Variants in TLE6 observed in about 807,000 individuals in gnomAD.
TLE6 encodes transducin-like enhancer protein 6.
TLE6 carries 72 observed loss-of-function variants against 77.1 expected under a neutral mutation model. That is an observed-to-expected ratio of 0.93 (90% CI 0.77 to 1.14). The LOEUF is 1.14. Among genes scored for constraint, TLE6 ranks in the 50% most tolerant of loss-of-function variants. The pLI is 0.00. For synonymous variants in TLE6, 366 were observed against 287.3 expected, an observed-to-expected ratio of 1.27 and a Z score of -2.77; for missense variants, 843 against 747.6, an observed-to-expected ratio of 1.13 and a Z score of -1.49.
chr19:2,978,197 G>C lies in TLE6; in HGVS notation c.-36-1G>C. On this transcript the variant is annotated splice_acceptor_variant, in intron 1 of 16. Transcript: ENST00000246112. LOFTEE classifies it low-confidence loss of function (5UTR_SPLICE). ...GACCTGCCGTCTCCTTGTTGTTTTAGACTCTGGCTAAAGTCTTGGAGGCTA... is the reference window on the plus strand; with the variant it reads ...GACCTGCCGTCTCCTTGTTGTTTTACACTCTGGCTAAAGTCTTGGAGGCTA... 2 of 1,550,134 alleles carry C rather than the reference G, an allele frequency of 1.3e-6. No individual in the cohort carries two copies. The highest frequency in any genetic ancestry group is 2.4e-5 in the East Asian group (1 of 40,904).
intron 13 of TLE6, among the ~76,000 whole-genome samples, chr19:2,991,146 C>A (rs1360743669): frequency 6.6e-6 from 1 of 151,216 alleles, no homozygotes; most frequent in Non-Finnish European, 1.5e-5. Flanking sequence ...GGCAGATCAC[C>A]TGAGGTCGGG....
chr19:2,994,020 C>T lies in TLE6; in HGVS notation c.1539C>T (p.Gly513=), dbSNP rs2089150199. The part of the protein sequence containing the change: ...VILSVKFSPF[G]QWWASVGMDD... ...TCGCTGATGCTCCATTTCTCCCAGG[C>T]CAGTGGTGGGCAAGCGTTGGAATGG... The change falls in exon 16 of 17, where the codon GGC becomes GGT. Residue 513 remains glycine, a splice_region_variant and synonymous_variant. Coordinates refer to ENST00000246112, the MANE Select transcript of TLE6 (RefSeq NM_001143986.2). The T allele has an allele frequency of 6.2e-7, 1 of 1,603,832 alleles. No homozygotes were observed. Among genetic ancestry groups the T allele is most frequent in the Non-Finnish European group, 8.5e-7 (1 of 1,176,112 alleles).
At chr19:2,993,940 AAAGG>A in intron 15 of TLE6, 75 bp from the exon 16 acceptor site, 2 of 942,922 alleles carry the variant, frequency 2.1e-6, no homozygotes, top group Non-Finnish European at 3.2e-6. Context: ...AAAAAAAAAA[AAAGG>A]TGGGTGGGGA....
At position 2,992,793 on chromosome 19, in the gene TLE6, A is replaced by AACGGGGGGGG. The variant is rs1487334518; in HGVS notation, c.1387-639_1387-638insACGGGGGGGG. Among the ~76,000 whole-genome samples, 191 of 19,750 alleles carry AACGGGGGGGG rather than the reference A, an allele frequency of 9.7e-3. 72 individuals carry two copies. The highest frequency in any genetic ancestry group is 0.016 in the South Asian group (6 of 386). The allele number at this position is 19,750 out of a possible 152,430, so 13.0% of individuals were successfully genotyped here. On this transcript the variant is annotated intron_variant, in intron 14 of 16. Coordinates refer to ENST00000246112, the MANE Select transcript of TLE6 (RefSeq NM_001143986.2). ...AGACCCTGTCTCAAAAAAAAAAAAAAGGGGGGGAGGCGGGTGGGGGGGGGG... is the reference window on the plus strand; with the variant it reads ...AGACCCTGTCTCAAAAAAAAAAAAAAACGGGGGGGGGGGGGGGAGGCGGGTGGGGGGGGGG...
intron 16 of TLE6, 54 bp downstream of exon 16, chr19:2,994,149 T>C: frequency 6.8e-7 from 1 of 1,467,550 alleles, no homozygotes; most frequent in Non-Finnish European, 9.3e-7. Flanking sequence ...GGGACCAGCC[T>C]GGGCAACACA....
intron 2 of TLE6, among the ~76,000 whole-genome samples, chr19:2,979,766 C>T (rs1403886350): frequency 6.7e-6 from 1 of 148,826 alleles, no homozygotes; most frequent in East Asian, 2.0e-4. Context: ...TGGTGAAACC[C>T]CATCTCTACT....
intron 14 of TLE6, among the ~76,000 whole-genome samples, chr19:2,992,607 C>T (rs1055732143): frequency 1.3e-5 from 2 of 151,364 alleles, no homozygotes; most frequent in African/African-American, 4.9e-5. Flanking sequence ...CCTGTTTCTA[C>T]AAAAAATAAA....
Position 2,989,531 on chromosome 19 carries a change from C to T in TLE6, c.994-4C>T. On this transcript the variant is annotated splice_region_variant and splice_polypyrimidine_tract_variant and intron_variant, in intron 12 of 16. Coordinates refer to ENST00000246112, the MANE Select transcript of TLE6 (RefSeq NM_001143986.2). The stretch of plus-strand genomic sequence containing the variant: ...ACAGCTCACAGTGACTCTGCCCATC[C>T]CAGACCCCTGGGGCCTTCCTGCGCA... The T allele has an allele frequency of 6.2e-7, 1 of 1,610,024 alleles. No homozygotes were observed. The highest frequency in any genetic ancestry group is 8.5e-7 in the Non-Finnish European group (1 of 1,178,730).
At chr19:2,977,414 A>C (rs991588566), upstream of TLE6, 2 of 148,838 alleles carry the variant, frequency 1.3e-5, no homozygotes, top group East Asian at 2.1e-4. Context: ...CCCCCCCCGG[A>C]GCCCGAACCC....
In TLE6 at chr19:2,980,117, G is replaced by A. The variant is rs763181193; in HGVS notation, c.69G>A (p.Ser23=). The stretch of plus-strand genomic sequence containing the variant: ...CTTTCCAGCCTTGTCCTGGGATCTC[G>A]AACTCTGAGAGCTCTCCGACGCTGA... ...PKSTSPCPGI[S]NSESSPTLNY... The change falls in exon 3 of 17, where the codon TCG becomes TCA. Residue 23 remains serine (S), a synonymous_variant. Coordinates refer to ENST00000246112, the MANE Select transcript of TLE6 (RefSeq NM_001143986.2). 7.1e-6 allele frequency: 11 copies of A among 1,550,428 alleles called. No homozygotes were observed. Among genetic ancestry groups the A allele is most frequent in the Middle Eastern group, 1.7e-4 (1 of 5,982 alleles).
intron 5 of TLE6, among the ~76,000 whole-genome samples, chr19:2,986,343 G>A (rs1312475106): frequency 1.3e-5 from 2 of 151,952 alleles, no homozygotes; most frequent in African/African-American, 4.8e-5. Flanking sequence ...TTGAGCCTGG[G>A]AGGTTGAGGG....
chr19:2,990,605 CAAAAAA>C (rs2089023626), intron 13 of TLE6, among the ~76,000 whole-genome samples: 2 of 135,660 alleles, frequency 1.5e-5, no homozygotes, highest in Admixed American at 1.5e-4. Context: ...GACTCTGTCT[CAAAAAA>C]GAAAAAAAAA....
chr19:2,991,673 C>G (rs1054322294), intron 13 of TLE6, among the ~76,000 whole-genome samples, 170 bp from the exon 14 acceptor site: 2 of 150,158 alleles, frequency 1.3e-5, no homozygotes, highest in African/African-American at 4.9e-5. Context: ...CTGGGAGGGG[C>G]CGGCACTAGA....
rs932547036 is a variant in TLE6, at chr19:2,987,065, T to A, written c.368T>A (p.Ile123Asn). 9 of 1,613,992 alleles carry A rather than the reference T, an allele frequency of 5.6e-6. No individual in the cohort carries two copies. The highest frequency in any genetic ancestry group is 1.1e-5 in the South Asian group (1 of 91,080). ...CTGCAGGAGTCGAGCTTTGAGGACATCATGGCCACCAGGTCCTCCGACTGG... is the reference window on the plus strand; with the variant it reads ...CTGCAGGAGTCGAGCTTTGAGGACAACATGGCCACCAGGTCCTCCGACTGG... ...KTLQESSFED[I>N]MATRSSDWLR... Residue 123 changes from isoleucine to asparagine, a missense_variant, in exon 7 of 17, where the codon ATC becomes AAC. Ile to Asn is a moderately radical substitution (Grantham distance 149, BLOSUM62 -3). Coordinates refer to ENST00000246112, the MANE Select transcript of TLE6 (RefSeq NM_001143986.2).
At chr19:2,984,563 G>A (rs1020168163) in intron 5 of TLE6, 1 of 152,268 alleles carries the variant, frequency 6.6e-6, no homozygotes, top group South Asian at 2.1e-4. Flanking sequence ...CACCTCCTGG[G>A]TTCAAGTGAT....
At chr19:2,979,981 GC>G in intron 2 of TLE6, 118 bp from the exon 3 acceptor site, 1 of 433,536 alleles carries the variant, frequency 2.3e-6, no homozygotes, top group Non-Finnish European at 3.7e-6. Context: ...AAAAAAAAAA[GC>G]AAAAACCACA....
At chr19:2,978,515 C>G (rs547954015) in intron 2 of TLE6, among the ~76,000 whole-genome samples, 11 of 152,132 alleles carry the variant, frequency 7.2e-5, no homozygotes, top group South Asian at 4.1e-4. Context: ...TTTTGGAGGC[C>G]GAGGCAGGAG....
intron 3 of TLE6, among the ~76,000 whole-genome samples, chr19:2,981,091 C>G (rs2088788703): frequency 6.7e-6 from 1 of 149,226 alleles, no homozygotes; most frequent in African/African-American, 2.5e-5. Flanking sequence ...CGCGGTGGCT[C>G]AAGCCTGTTG....
chr19:2,989,835 G>T (rs148569064), intron 13 of TLE6, 50 bp downstream of exon 13: 2 of 1,599,268 alleles, frequency 1.3e-6, no homozygotes, highest in Admixed American at 3.4e-5. Flanking sequence ...GCCTCCTGTG[G>T]CCACCTCTGC....
Sources: gnomAD v4.1 joint callset for allele counts (sites outside exome capture counted in the v4.1 genomes callset) on GRCh38, gnomAD v4.1.1 for gene constraint, MANE v1.5 for transcripts, NCBI Gene and HGNC (gene_info 2026-07-23, HGNC 2026-07-21) for gene names.